Variants in IMPG1 observed in about 807,000 individuals in gnomAD.
The protein encoded by IMPG1 is interphotoreceptor matrix proteoglycan 1, also known as interphotoreceptor matrix proteoglycan of 150 kDa.
Under a neutral mutation model 92.0 loss-of-function variants are expected in IMPG1, and 85 were observed. That is an observed-to-expected ratio of 0.92 (90% confidence interval 0.78 to 1.11). The LOEUF is 1.11. Among genes scored for constraint, IMPG1 ranks in the 50% least tolerant of loss-of-function variants. IMPG1 has a pLI of 0.00. For synonymous variants in IMPG1, 367 were observed against 334.1 expected (o/e 1.10, Z -1.08); for missense variants, 1,022 against 956.0 (o/e 1.07, Z -0.91).
At position 76,018,865 on chromosome 6, in the gene IMPG1, TTA is replaced by T; in HGVS notation, c.667-9_667-8del. 1.9e-6 allele frequency: 3 copies of T among 1,559,360 alleles called. No homozygotes were observed. The highest frequency in any genetic ancestry group is 1.7e-6 in the Non-Finnish European group (2 of 1,157,862). Reference sequence around the variant, plus strand: ...CGAATTCTGTTTCTCTTTCCTGAGTTTAAAAAAAAAAAAAAGGACTTCTGTTA... The same window carrying T: ...CGAATTCTGTTTCTCTTTCCTGAGTTAAAAAAAAAAAAAGGACTTCTGTTA... On this transcript the variant is annotated splice_polypyrimidine_tract_variant and splice_region_variant and intron_variant, in intron 6 of 16. Coordinates refer to ENST00000369950, the MANE Select transcript of IMPG1 (RefSeq NM_001563.4).
At chr6:76,046,714 G>A (rs1325617339) in intron 1 of IMPG1, among the ~76,000 whole-genome samples, 2 of 152,052 alleles carry the variant, frequency 1.3e-5, no homozygotes, top group Non-Finnish European at 2.9e-5. Context: ...TCCCTTACAG[G>A]GTTTCTGTGA....
At chr6:76,063,850 G>T (rs1784252802) in intron 1 of IMPG1, among the ~76,000 whole-genome samples, 1 of 152,160 alleles carries the variant, frequency 6.6e-6, no homozygotes, top group South Asian at 2.1e-4. Context: ...GTGCACCAAG[G>T]GAGCACCCCT....
intron 1 of IMPG1, among the ~76,000 whole-genome samples, chr6:76,050,662 A>G (rs977402225): frequency 3.9e-5 from 6 of 152,186 alleles, no homozygotes; most frequent in Non-Finnish European, 8.8e-5. Flanking sequence ...GCTTCTAGAC[A>G]TAGGCTGCTT....
intron 1 of IMPG1, among the ~76,000 whole-genome samples, chr6:76,044,939 G>A (rs999834836): frequency 4.6e-5 from 7 of 152,124 alleles, no homozygotes; most frequent in African/African-American, 1.7e-4. Flanking sequence ...GGGGCGAGAA[G>A]GTCACAGATT....
At chr6:75,927,790 G>C (rs12661898) in intron 15 of IMPG1, among the ~76,000 whole-genome samples, 1 of 145,926 alleles carries the variant, frequency 6.9e-6, no homozygotes, top group Non-Finnish European at 1.5e-5. Flanking sequence ...CTAGCAGGGT[G>C]CCTGGCACAT....
intron 7 of IMPG1, among the ~76,000 whole-genome samples, chr6:76,014,224 C>A (rs1783243371): frequency 6.6e-6 from 1 of 152,230 alleles, no homozygotes; most frequent in African/African-American, 2.4e-5. Flanking sequence ...TTCTCTACTT[C>A]TCCTGCTGGA....
At chr6:75,982,559 A>G (rs1242021595) in intron 12 of IMPG1, among the ~76,000 whole-genome samples, 1 of 149,864 alleles carries the variant, frequency 6.7e-6, no homozygotes, top group Non-Finnish European at 1.5e-5. Flanking sequence ...CTATCTATCT[A>G]TCTATATATC....
At chr6:75,955,809 AG>A (rs1782110089) in intron 12 of IMPG1, among the ~76,000 whole-genome samples, 1 of 152,168 alleles carries the variant, frequency 6.6e-6, no homozygotes, top group Admixed American at 6.5e-5. Context: ...TTTAGCATGA[AG>A]GGCTGTTGAA....
chr6:75,931,592 A>C (rs1313947358), intron 14 of IMPG1, among the ~76,000 whole-genome samples: 1 of 151,400 alleles, frequency 6.6e-6, no homozygotes, highest in African/African-American at 2.4e-5. Context: ...TTTTTTTTTT[A>C]AGTAAGCATT....
chr6:75,965,603 G>GTTT (rs762621406), intron 12 of IMPG1, among the ~76,000 whole-genome samples: 2 of 64,476 alleles, frequency 3.1e-5, no homozygotes, highest in African/African-American at 5.8e-5. Context: ...CTACATACTT[G>GTTT]TTCTTTTTTT....
intron 12 of IMPG1, among the ~76,000 whole-genome samples, chr6:75,960,915 T>C (rs767817387): frequency 6.6e-6 from 1 of 152,224 alleles, no homozygotes; most frequent in Non-Finnish European, 1.5e-5. Flanking sequence ...TATGTGGCAG[T>C]CCATTGTTTC....
intron 1 of IMPG1, among the ~76,000 whole-genome samples, chr6:76,069,702 A>T (rs1162893536): frequency 6.6e-6 from 1 of 151,828 alleles, no homozygotes. Context: ...TATTCACAAC[A>T]GCAAAGACAT....
chr6:75,969,008 AT>A (rs1421699487), intron 12 of IMPG1, among the ~76,000 whole-genome samples: 1 of 152,212 alleles, frequency 6.6e-6, no homozygotes, highest in Non-Finnish European at 1.5e-5. Flanking sequence ...AAATTCTGTT[AT>A]TTTTGACAAC....
intron 5 of IMPG1, 52 bp downstream of exon 5, chr6:76,025,142 C>A: frequency 9.9e-7 from 1 of 1,010,464 alleles, no homozygotes; most frequent in South Asian, 1.3e-5. Flanking sequence ...AACATGCTAT[C>A]ATGATGATTT....
intron 11 of IMPG1, 127 bp from the exon 12 acceptor site, chr6:76,003,123 T>C (rs967858041): frequency 1.5e-6 from 1 of 680,182 alleles, no homozygotes; most frequent in Non-Finnish European, 2.7e-6. Context: ...GACTTGAATC[T>C]ACTATGGAGG....
intron 12 of IMPG1, 42 bp downstream of exon 12, chr6:76,002,876 A>G (rs373282933): frequency 2.8e-6 from 4 of 1,429,052 alleles, no homozygotes; most frequent in Non-Finnish European, 4.0e-6. Flanking sequence ...TCCTCAAAGC[A>G]TATGTTGTCA....
At chr6:76,016,740 G>A (rs777687168) in intron 7 of IMPG1, among the ~76,000 whole-genome samples, 39 of 152,246 alleles carry the variant, frequency 2.6e-4, no homozygotes, top group South Asian at 4.1e-4. Flanking sequence ...TCTTGGTTAC[G>A]TAATCTCATG....
At position 76,005,427 on chromosome 6, in the gene IMPG1, C is replaced by T; in HGVS notation, c.995G>A (p.Ser332Asn). The change falls in exon 10 of 17, where the codon AGT (serine) becomes AAT (asparagine). Residue 332 changes from serine (S) to asparagine (N), a missense_variant. By Grantham distance (46) the Ser-to-Asn change is conservative. Coordinates refer to ENST00000369950, the MANE Select transcript of IMPG1 (RefSeq NM_001563.4). ...LLSFDSNKIE[S>N]EEVYHGTMEE... ...CATGGTTCCATGATAGACTTCCTCA[C>T]TTTCAATTTTGTTGGAATCAAAAGA... The T allele has an allele frequency of 6.2e-7, 1 of 1,614,048 alleles. No homozygotes were observed. The highest frequency in any genetic ancestry group is 8.5e-7 in the Non-Finnish European group (1 of 1,179,962).
At chr6:75,923,144 A>G (rs1170302037) in intron 16 of IMPG1, among the ~76,000 whole-genome samples, 1 of 152,238 alleles carries the variant, frequency 6.6e-6, no homozygotes, top group African/African-American at 2.4e-5. Flanking sequence ...GATTAAGTGA[A>G]TATTTTAAGA....
Sources: gnomAD v4.1 joint callset for allele counts (sites outside exome capture counted in the v4.1 genomes callset) on GRCh38, gnomAD v4.1.1 for gene constraint, MANE v1.5 for transcripts, NCBI Gene and HGNC (gene_info 2026-07-23, HGNC 2026-07-21) for gene names.